Variants in MACROD2 observed in about 807,000 individuals in gnomAD.
The protein encoded by MACROD2 is ADP-ribose glycohydrolase MACROD2.
MACROD2 carries 36 observed loss-of-function variants against 70.4 expected under a neutral mutation model. The ratio of observed to expected loss-of-function variants is 0.51; its 90% CI spans 0.39 to 0.68. The LOEUF (loss-of-function observed/expected upper bound fraction) is 0.68, where lower values mean the gene tolerates loss of function less well. Ranked by LOEUF, MACROD2 falls within the 30% of genes least tolerant of loss-of-function variation. The pLI is 0.00. For synonymous variants in MACROD2, 172 were observed against 178.8 expected (o/e 0.96, Z 0.30); for missense variants, 496 against 538.4 (o/e 0.92, Z 0.78).
In MACROD2 at chr20:15,420,946, G is replaced by C. The variant is rs749112246; in HGVS notation, c.541-10459G>C. The stretch of plus-strand genomic sequence containing the variant: ...TCCGAAAACTTAAAAAAATTAACCA[G>C]GCATAGTGGTGCGTGCCTATGGTCC... On this transcript the variant is annotated intron_variant, in intron 6 of 17. Coordinates refer to ENST00000684519, the MANE Select transcript of MACROD2 (RefSeq NM_001351661.2). Among the ~76,000 whole-genome samples, 69 of 152,230 alleles carry C rather than the reference G, an allele frequency of 4.5e-4. No homozygotes were observed. In the Middle Eastern group the frequency reaches 0.01, roughly 23 times the overall value.
intron 6 of MACROD2, among the ~76,000 whole-genome samples, chr20:15,277,028 C>T (rs1379204152): frequency 6.6e-6 from 1 of 152,170 alleles, no homozygotes; most frequent in Non-Finnish European, 1.5e-5. Flanking sequence ...CTAGCTTCAA[C>T]GTTAAGCAAA....
chr20:15,581,732 A>C (rs1419764907), intron 8 of MACROD2, among the ~76,000 whole-genome samples: 1 of 152,162 alleles, frequency 6.6e-6, no homozygotes, highest in African/African-American at 2.4e-5. Context: ...TGGAGCTGAG[A>C]TCTGGTCCTT....
intron 8 of MACROD2, among the ~76,000 whole-genome samples, chr20:15,588,475 A>T (rs1488347349): frequency 6.6e-6 from 1 of 151,624 alleles, no homozygotes. Flanking sequence ...ATTTCTCCTC[A>T]AAAAAAATGG....
intron 3 of MACROD2, among the ~76,000 whole-genome samples, chr20:14,489,447 G>C (rs999850775): frequency 1.3e-5 from 2 of 152,188 alleles, no homozygotes; most frequent in African/African-American, 4.8e-5. Flanking sequence ...TCAAACTCTA[G>C]GGAATATAAT....
At chr20:15,364,711 C>A (rs2045381935) in intron 6 of MACROD2, among the ~76,000 whole-genome samples, 1 of 152,180 alleles carries the variant, frequency 6.6e-6, no homozygotes, top group South Asian at 2.1e-4. Context: ...TCCTCCTTTT[C>A]CAATGAGATA....
At chr20:15,779,976 A>G (rs928474398) in intron 8 of MACROD2, among the ~76,000 whole-genome samples, 1 of 152,146 alleles carries the variant, frequency 6.6e-6, no homozygotes, top group African/African-American at 2.4e-5. Flanking sequence ...ATATCAGAGC[A>G]TGGTTAGCAC....
intron 3 of MACROD2, among the ~76,000 whole-genome samples, chr20:14,374,451 A>G (rs879319965): frequency 1.3e-5 from 2 of 152,194 alleles, no homozygotes; most frequent in Non-Finnish European, 2.9e-5. Flanking sequence ...GAGGTCAAAT[A>G]GATTAATGAT....
intron 4 of MACROD2, among the ~76,000 whole-genome samples, chr20:14,527,162 C>T (rs1211084435): frequency 2.0e-5 from 3 of 152,268 alleles, no homozygotes; most frequent in East Asian, 1.9e-4. Flanking sequence ...GCTGGCCTGC[C>T]GACGTCTGTC....
At chr20:14,049,008 GCTT>G (rs2053518832) in intron 2 of MACROD2, among the ~76,000 whole-genome samples, 1 of 151,960 alleles carries the variant, frequency 6.6e-6, no homozygotes, top group Non-Finnish European at 1.5e-5. Flanking sequence ...TATGCAAAGA[GCTT>G]CTATGCACAG....
At chr20:14,359,264 A>G (rs939566115) in intron 3 of MACROD2, among the ~76,000 whole-genome samples, 10 of 152,176 alleles carry the variant, frequency 6.6e-5, no homozygotes, top group African/African-American at 2.4e-4. Context: ...GATTTTTTTC[A>G]GAGTTCACAT....
intron 3 of MACROD2, among the ~76,000 whole-genome samples, chr20:14,302,972 T>C (rs1310767325): frequency 6.6e-6 from 1 of 152,104 alleles, no homozygotes; most frequent in Non-Finnish European, 1.5e-5. Flanking sequence ...TTTAAAGTGG[T>C]GAAAGTATAA....
intron 3 of MACROD2, among the ~76,000 whole-genome samples, chr20:14,303,566 ACTGT>A (rs747775635): frequency 1.8e-4 from 28 of 152,196 alleles, no homozygotes; most frequent in Non-Finnish European, 4.0e-4. Flanking sequence ...TCTTGCAAGT[ACTGT>A]CTAATTACTG....
chr20:14,604,621 CT>C (rs941512297), intron 4 of MACROD2, among the ~76,000 whole-genome samples: 12 of 152,174 alleles, frequency 7.9e-5, no homozygotes, highest in African/African-American at 2.9e-4. Context: ...GGTATTCTCC[CT>C]TTCCTTAAGG....
At chr20:14,865,902 G>A (rs1268163591) in intron 5 of MACROD2, among the ~76,000 whole-genome samples, 1 of 152,068 alleles carries the variant, frequency 6.6e-6, no homozygotes, top group East Asian at 1.9e-4. Context: ...TCAAAAAGAT[G>A]TGCTTGCAAC....
intron 5 of MACROD2, among the ~76,000 whole-genome samples, chr20:14,739,577 A>G (rs529293477): frequency 2.0e-5 from 3 of 152,146 alleles, no homozygotes; most frequent in Admixed American, 1.3e-4. Context: ...ATTAAATATT[A>G]AAAACTATTA....
At chr20:14,717,279 G>T (rs1258060710) in intron 5 of MACROD2, among the ~76,000 whole-genome samples, 1 of 152,148 alleles carries the variant, frequency 6.6e-6, no homozygotes, top group Non-Finnish European at 1.5e-5. Context: ...GTTTCCTGGT[G>T]CAGTCATCAG....
chr20:14,122,289 TAAGTGG>T (rs2054598232), intron 3 of MACROD2, among the ~76,000 whole-genome samples: 1 of 152,174 alleles, frequency 6.6e-6, no homozygotes. Flanking sequence ...CCTCATCTTT[TAAGTGG>T]AGACAATAAG....
intron 7 of MACROD2, among the ~76,000 whole-genome samples, chr20:15,487,848 G>A (rs2047181683): frequency 6.6e-6 from 1 of 152,194 alleles, no homozygotes; most frequent in Admixed American, 6.5e-5. Context: ...CCAATAGTCA[G>A]GGGATTTGAG....
intron 8 of MACROD2, among the ~76,000 whole-genome samples, chr20:15,738,059 A>T (rs1482445123): frequency 2.0e-5 from 3 of 152,184 alleles, no homozygotes; most frequent in Non-Finnish European, 4.4e-5. Flanking sequence ...GGAAAGGGGA[A>T]TAGAGGGATG....
Sources: gnomAD v4.1 joint callset for allele counts (sites outside exome capture counted in the v4.1 genomes callset) on GRCh38, gnomAD v4.1.1 for gene constraint, MANE v1.5 for transcripts, NCBI Gene and HGNC (gene_info 2026-07-23, HGNC 2026-07-21) for gene names.